PROSER2: variants seen among roughly 807,000 people sequenced by gnomAD.
PROSER2 encodes proline and serine rich 2, also known as proline and serine-rich protein 2.
A neutral mutation model predicts 14.6 loss-of-function variants in PROSER2; 18 were observed. The ratio of observed to expected loss-of-function variants is 1.23; its 90% confidence interval spans 0.85 to 1.83. PROSER2 has a LOEUF of 1.83. PROSER2 is among the 40% of genes most tolerant of loss of function. The pLI is 0.00. For synonymous variants in PROSER2, 367 were observed against 286.4 expected (o/e 1.28, Z -2.84); for missense variants, 823 against 629.8 (o/e 1.31, Z -3.28).
chr10:11,831,414 TTTC>T (rs1318663917), intron 1 of PROSER2, among the ~76,000 whole-genome samples: 1 of 152,202 alleles, frequency 6.6e-6, no homozygotes, highest in African/African-American at 2.4e-5. Flanking sequence ...CAACTGGAAT[TTTC>T]TTCTATCCAT....
chr10:11,856,660 C>T lies in PROSER2; in HGVS notation c.138+4445C>T, dbSNP rs1395880162. Among the ~76,000 whole-genome samples, 4 of 152,208 alleles carry T rather than the reference C, an allele frequency of 2.6e-5. No individual in the cohort carries two copies. Among genetic ancestry groups the T allele is most frequent in the Non-Finnish European group, 5.9e-5 (4 of 68,044 alleles). ...TCTCGAATCCCCCTCTCCCTACGCC[C>T]ACAAGTGCTGTGGCCCTGAAGTCAC... On this transcript the variant is annotated intron_variant, in intron 2 of 3. Coordinates refer to ENST00000277570, the MANE Select transcript of PROSER2 (RefSeq NM_153256.4). This position sits in a 1 kb window ranked among gnomAD's most constrained non-coding sequence, Gnocchi z 5.3.
Position 11,870,197 on chromosome 10 carries a change from T to C in PROSER2, c.1099T>C (p.Cys367Arg). The C allele has an allele frequency of 6.7e-7, 1 of 1,488,702 alleles. No homozygotes were observed. 92.2% of individuals were successfully genotyped at this position (1,488,702 alleles called of 1,614,324 possible). Residue 367 changes from cysteine to arginine, a missense_variant, in exon 4 of 4, where the codon TGC becomes CGC. Physicochemically the swap from Cys to Arg is radical, Grantham distance 180. Transcript: ENST00000277570. ...SSFAPAGKSLCFRPGPALPST... is the reference protein window; with the variant it reads ...SSFAPAGKSLRFRPGPALPST... ...CTTCGCGCCCGCTGGGAAGTCCCTC[T>C]GCTTCCGCCCTGGCCCGGCCCTGCC...
chr10:11,870,069 G>C lies in PROSER2; in HGVS notation c.971G>C (p.Gly324Ala). Residue 324 changes from glycine (G) to alanine (A), a missense_variant, in exon 4 of 4, where the codon GGC becomes GCC. Transcript: ENST00000277570. ...ERVARGRGLPGPAESLRAGGQ... is the reference protein window; with the variant it reads ...ERVARGRGLPAPAESLRAGGQ... ...GTGGCGCGTGGCCGGGGCCTGCCGG[G>C]CCCCGCTGAGAGTCTCCGGGCAGGG... 7.9e-7 allele frequency: 1 copy of C among 1,261,674 alleles called. No individual in the cohort carries two copies. The highest frequency in any genetic ancestry group is 1.0e-6 in the Non-Finnish European group (1 of 1,003,694). The allele number at this position is 1,261,674 out of a possible 1,614,324, so 78.2% of individuals were successfully genotyped here. A position where few individuals can be genotyped will look rare whatever the true frequency, so the allele number is the denominator to read the frequency against.
rs57459773 is a variant in PROSER2, at chr10:11,856,905, T to A, written c.138+4690T>A. ...TCAGGAGGGGACACTGAACCGGAGG[T>A]GCCTTGAGGGAGGAGCCGCCCCATC... On this transcript the variant is annotated intron_variant, in intron 2 of 3. Transcript: ENST00000277570. The surrounding 1 kb of genome is among the most constrained non-coding windows in gnomAD (Gnocchi z 5.3). Among the ~76,000 whole-genome samples the A allele has an allele frequency of 0.018, 2,756 of 152,230 alleles. 71 individuals carry two copies. The highest frequency in any genetic ancestry group is 0.063 in the African/African-American group (2,616 of 41,528).
In PROSER2 at chr10:11,866,856, T is replaced by A. The variant is rs1834359502; in HGVS notation, c.391+73T>A. The A allele has an allele frequency of 8.6e-6, 13 of 1,503,528 alleles. No individual in the cohort carries two copies. The Admixed American group carries it at 2.7e-4, about 31-fold the overall frequency. The allele number at this position is 1,503,528 out of a possible 1,614,324, so 93.1% of individuals were successfully genotyped here. A position where few individuals can be genotyped will look rare whatever the true frequency, so the allele number is the denominator to read the frequency against. On this transcript the variant is annotated intron_variant, in intron 3 of 3. Transcript: ENST00000277570. This position sits in a 1 kb window ranked among gnomAD's most constrained non-coding sequence, Gnocchi z 6.0. ...GTGAGACCCAGAGATACTTCTTTTG[T>A]GTTCCCCTGTGTTTGCCAGTAGAAG...
At chr10:11,829,563 C>T (rs1833662884) in intron 1 of PROSER2, among the ~76,000 whole-genome samples, 1 of 151,554 alleles carries the variant, frequency 6.6e-6, no homozygotes, top group Non-Finnish European at 1.5e-5. Flanking sequence ...GCCTGTAAGA[C>T]AGAGCGAGAC....
intron 2 of PROSER2, chr10:11,857,401 G>A (rs370967933): frequency 6.6e-6 from 1 of 152,240 alleles, no homozygotes; most frequent in African/African-American, 2.4e-5. Flanking sequence ...AGAAGTACAG[G>A]TTTAAGTGAG....
intron 1 of PROSER2, among the ~76,000 whole-genome samples, chr10:11,824,106 C>G (rs1167754001): frequency 6.6e-6 from 1 of 152,140 alleles, no homozygotes; most frequent in Non-Finnish European, 1.5e-5. Flanking sequence ...TTTACGGAGT[C>G]TAAATTTAAG....
chr10:11,843,640 C>T (rs541870164), intron 1 of PROSER2, among the ~76,000 whole-genome samples: 3 of 151,010 alleles, frequency 2.0e-5, no homozygotes, highest in Non-Finnish European at 3.0e-5. Context: ...GAGCCGAGAT[C>T]GCACCACTGC....
chr10:11,846,284 G>T (rs1413467807), intron 1 of PROSER2, among the ~76,000 whole-genome samples: 1 of 152,160 alleles, frequency 6.6e-6, no homozygotes, highest in African/African-American at 2.4e-5. Context: ...ACCATGCCTG[G>T]CCTTGAACAT....
intron 1 of PROSER2, among the ~76,000 whole-genome samples, chr10:11,847,131 G>GA (rs1164749979): frequency 1.6e-5 from 2 of 127,606 alleles, no homozygotes; most frequent in Non-Finnish European, 3.2e-5. Context: ...TATTCTTAAA[G>GA]AAAAAAAAGA....
intron 1 of PROSER2, among the ~76,000 whole-genome samples, chr10:11,841,127 G>A (rs11257354): frequency 0.021 from 3,183 of 150,640 alleles, 71 homozygotes; most frequent in Non-Finnish European, 0.033. Context: ...TTTGTCTGCC[G>A]ATTCATTTTC....
chr10:11,841,264 A>G (rs1317116574), intron 1 of PROSER2, among the ~76,000 whole-genome samples: 1 of 151,852 alleles, frequency 6.6e-6, no homozygotes, highest in Non-Finnish European at 1.5e-5. Flanking sequence ...GTTCATAAAA[A>G]CCTTTTCAAC....
intron 1 of PROSER2, among the ~76,000 whole-genome samples, chr10:11,843,025 C>T (rs1228047262): frequency 6.9e-6 from 1 of 143,904 alleles, no homozygotes; most frequent in Non-Finnish European, 1.5e-5. Context: ...ACTGCAAGTT[C>T]CGCCTCCTGG....
chr10:11,842,265 G>C (rs1833855227), intron 1 of PROSER2, among the ~76,000 whole-genome samples: 1 of 151,024 alleles, frequency 6.6e-6, no homozygotes, highest in Admixed American at 6.6e-5. Flanking sequence ...ATTTTAACTG[G>C]ATCATTTTCC....
chr10:11,846,441 T>C (rs978396435), intron 1 of PROSER2, among the ~76,000 whole-genome samples: 5 of 152,226 alleles, frequency 3.3e-5, no homozygotes, highest in Admixed American at 6.5e-5. Flanking sequence ...TCTGGACAAA[T>C]GATAGGTTTC....
intron 1 of PROSER2, among the ~76,000 whole-genome samples, chr10:11,832,543 T>A (rs928482928): frequency 1.1e-4 from 17 of 152,224 alleles, no homozygotes; most frequent in Admixed American, 8.5e-4. Context: ...GTGTAATGTT[T>A]ATTGGTGTCA....
intron 2 of PROSER2, among the ~76,000 whole-genome samples, chr10:11,854,873 A>C (rs927366244): frequency 6.6e-6 from 1 of 152,126 alleles, no homozygotes; most frequent in Non-Finnish European, 1.5e-5. Flanking sequence ...TTCTGAGAGT[A>C]GCTATAAGTT....
rs557633882 is a variant in PROSER2, at chr10:11,836,989, G to A, written c.-82+13519G>A. 1.3e-5 allele frequency among the ~76,000 whole-genome samples: 2 copies of A among 152,254 alleles called. No homozygotes were observed. The highest frequency in any genetic ancestry group is 6.5e-5 in the Admixed American group (1 of 15,294). ...TTCTGATCCATTGCCTCCTGCATGC[G>A]AATCCTCCTTTGCCCGGAGTCCCCA... On this transcript the variant is annotated intron_variant, in intron 1 of 3. Coordinates refer to ENST00000277570, the MANE Select transcript of PROSER2 (RefSeq NM_153256.4). This position sits in a 1 kb window ranked among gnomAD's most constrained non-coding sequence, Gnocchi z 4.6.
Sources: gnomAD v4.1 joint callset for allele counts (sites outside exome capture counted in the v4.1 genomes callset) on GRCh38, gnomAD v4.1.1 for gene constraint, Gnocchi (gnomAD v3.1) non-coding constraint, MANE v1.5 for transcripts, NCBI Gene and HGNC (gene_info 2026-07-23, HGNC 2026-07-21) for gene names.